The following AP2A2 variants were observed in gnomAD, a reference collection of about 807,000 sequenced individuals.
AP2A2 encodes the protein AP-2 complex subunit alpha-2.
Under a neutral mutation model 104.2 loss-of-function variants are expected in AP2A2, and 32 were observed. The ratio of observed to expected loss-of-function variants is 0.31; its 90% confidence interval spans 0.23 to 0.41. The LOEUF (loss-of-function observed/expected upper bound fraction) is 0.41, where lower values mean the gene tolerates loss of function less well. Ranked by LOEUF, AP2A2 falls within the 10% of genes least tolerant of loss-of-function variation. The pLI is 1.00. For missense variants in AP2A2, 912 were observed against 1,261.0 expected (o/e 0.72, Z 4.19); for synonymous variants, 539 against 533.3 (o/e 1.01, Z -0.15).
intron 18 of AP2A2, 196 bp downstream of exon 18, chr11:1,008,331 G>A: frequency 3.7e-6 from 3 of 821,504 alleles, no homozygotes; most frequent in Non-Finnish European, 5.3e-6. Context: ...GCGGAGCCCT[G>A]GGCTCCGGGA....
chr11:933,806 C>T (rs1853365332), intron 1 of AP2A2, among the ~76,000 whole-genome samples: 2 of 152,152 alleles, frequency 1.3e-5, no homozygotes, highest in Non-Finnish European at 2.9e-5. Context: ...TTTCTGCCAG[C>T]TTTGCACGCT....
chr11:936,030 T>A (rs1055094942), intron 1 of AP2A2, among the ~76,000 whole-genome samples: 3 of 150,860 alleles, frequency 2.0e-5, no homozygotes, highest in Non-Finnish European at 4.4e-5. Flanking sequence ...GCCTCCCGAG[T>A]AGCTGGGACT....
At chr11:970,917 T>C (rs966450159) in intron 3 of AP2A2, among the ~76,000 whole-genome samples, 1 of 152,246 alleles carries the variant, frequency 6.6e-6, no homozygotes, top group South Asian at 2.1e-4. Context: ...CACTCTACTT[T>C]TGAAGTCTTC....
At chr11:973,381 G>A (rs902660762) in intron 4 of AP2A2, among the ~76,000 whole-genome samples, 7 of 152,154 alleles carry the variant, frequency 4.6e-5, no homozygotes, top group African/African-American at 1.2e-4. Context: ...AGGTGAGGAC[G>A]TCCCACAATA....
At chr11:1,003,902 A>G in intron 16 of AP2A2, 98 bp downstream of exon 16, 1 of 787,300 alleles carries the variant, frequency 1.3e-6, no homozygotes, top group African/African-American at 1.8e-5. Context: ...ATAGATATCC[A>G]GAATATAAAA....
chr11:963,526 A>C (rs1854509891), intron 2 of AP2A2, among the ~76,000 whole-genome samples: 1 of 152,142 alleles, frequency 6.6e-6, no homozygotes, highest in Non-Finnish European at 1.5e-5. Flanking sequence ...CTCACTTTGT[A>C]CTGGCTGTTT....
In AP2A2 at chr11:988,579, C is replaced by T. The variant is rs1453495639; in HGVS notation, c.1159C>T (p.Arg387Trp). Residue 387 changes from arginine (R) to tryptophan (W), a missense_variant, in exon 10 of 22, where the codon CGG (arginine) becomes TGG (tryptophan). Arg to Trp is a moderately radical substitution (Grantham distance 101). This residue lies in a region of AP2A2 where 350 missense variants were observed against 487.0 expected (regional missense o/e 0.72). Transcript: ENST00000448903. Reference protein sequence around the residue: ...KTERDVSVRQRAVDLLYAMCD... With the variant: ...KTERDVSVRQWAVDLLYAMCD... ...TGAGCGGGACGTGAGCGTGCGGCAGCGGGCCGTGGACCTCCTCTACGCCAT... is the reference window on the plus strand; with the variant it reads ...TGAGCGGGACGTGAGCGTGCGGCAGTGGGCCGTGGACCTCCTCTACGCCAT... 3.7e-6 allele frequency: 6 copies of T among 1,612,610 alleles called. No individual in the cohort carries two copies. The highest frequency in any genetic ancestry group is 5.1e-6 in the Non-Finnish European group (6 of 1,179,860).
chr11:928,009 C>A (rs1249175974), intron 1 of AP2A2, among the ~76,000 whole-genome samples: 1 of 152,130 alleles, frequency 6.6e-6, no homozygotes, highest in East Asian at 1.9e-4. Context: ...GATGTCTGTC[C>A]TTCCATTTTT....
intron 1 of AP2A2, among the ~76,000 whole-genome samples, chr11:954,281 C>G (rs898324565): frequency 6.6e-6 from 1 of 152,208 alleles, no homozygotes; most frequent in Non-Finnish European, 1.5e-5. Context: ...ACGTGCTGGC[C>G]CCAAAGTTCA....
chr11:970,883 C>G (rs1002841211), intron 3 of AP2A2, among the ~76,000 whole-genome samples: 1 of 152,244 alleles, frequency 6.6e-6, no homozygotes, highest in Non-Finnish European at 1.5e-5. Context: ...CCAGCCCTTG[C>G]CGGGCTGGTG....
chr11:942,192 G>T (rs1853674296), intron 1 of AP2A2: 2 of 152,260 alleles, frequency 1.3e-5, no homozygotes, highest in East Asian at 1.9e-4. Flanking sequence ...TTCCCAAAGT[G>T]CTGGGATTAC....
chr11:942,088 G>A (rs6597968), intron 1 of AP2A2, among the ~76,000 whole-genome samples: 13,080 of 152,048 alleles, frequency 0.086, 805 homozygotes, highest in East Asian at 0.28. Flanking sequence ...CACCATGCCC[G>A]GCTAATTTTT....
At chr11:951,632 C>A (rs1180435985) in intron 1 of AP2A2, among the ~76,000 whole-genome samples, 2 of 152,196 alleles carry the variant, frequency 1.3e-5, no homozygotes, top group African/African-American at 4.8e-5. Flanking sequence ...CATCACAGCT[C>A]TTTCATTGAT....
intron 5 of AP2A2, among the ~76,000 whole-genome samples, chr11:980,054 G>C (rs1855188768): frequency 6.6e-6 from 1 of 150,906 alleles, no homozygotes; most frequent in Non-Finnish European, 1.5e-5. Flanking sequence ...CCGTGTCCTG[G>C]AGCGGTGACA....
chr11:985,866 T>A (rs1855437197), intron 8 of AP2A2, among the ~76,000 whole-genome samples: 1 of 152,170 alleles, frequency 6.6e-6, no homozygotes. Context: ...TCTCATGTAG[T>A]GGAACAGAGA....
intron 6 of AP2A2, among the ~76,000 whole-genome samples, chr11:982,040 C>T (rs1360221661): frequency 6.6e-6 from 1 of 152,198 alleles, no homozygotes; most frequent in African/African-American, 2.4e-5. Context: ...AGTGGGAGCT[C>T]TGTGATTTAT....
chr11:934,631 T>TG (rs1367440083), intron 1 of AP2A2, among the ~76,000 whole-genome samples: 1 of 152,164 alleles, frequency 6.6e-6, no homozygotes, highest in Non-Finnish European at 1.5e-5. Context: ...ACAGCCAACA[T>TG]GGGGTGCCTG....
Position 992,493 on chromosome 11 carries a change from T to TC in AP2A2, c.1270-5dup, listed in dbSNP as rs751927156. The stretch of plus-strand genomic sequence containing the variant: ...GCAGGTGCCGGCCCTCAGCAGCCTG[T>TC]CCCCCACAGGTGCTGAAGGTCGCCA... On this transcript the variant is annotated splice_polypyrimidine_tract_variant and intron_variant, in intron 10 of 21. Coordinates refer to ENST00000448903, the MANE Select transcript of AP2A2 (RefSeq NM_012305.4). This position sits in a 1 kb window ranked among gnomAD's most constrained non-coding sequence, Gnocchi z 6.4. The TC allele has an allele frequency of 5.2e-5, 82 of 1,575,914 alleles. No homozygotes were observed. Among genetic ancestry groups the TC allele is most frequent in the Non-Finnish European group, 6.6e-5 (77 of 1,160,970 alleles).
intron 1 of AP2A2, among the ~76,000 whole-genome samples, chr11:943,839 G>C (rs1383186297): frequency 6.6e-6 from 1 of 150,678 alleles, no homozygotes; most frequent in Admixed American, 6.6e-5. Context: ...AGTCCGACCG[G>C]AGATGCAGGT....
Sources: gnomAD v4.1 joint callset for allele counts (sites outside exome capture counted in the v4.1 genomes callset) on GRCh38, gnomAD v4.1.1 for gene constraint, gnomAD v4.1.1 regional missense constraint, Gnocchi (gnomAD v3.1) non-coding constraint, MANE v1.5 for transcripts, NCBI Gene and HGNC (gene_info 2026-07-23, HGNC 2026-07-21) for gene names.